The following PPM1E variants were observed in gnomAD, a reference collection of about 807,000 sequenced individuals.
PPM1E encodes the protein protein phosphatase 1E.
A neutral mutation model predicts 65.9 loss-of-function variants in PPM1E; 20 were observed. The observed-to-expected ratio is 0.30, with a 90% CI of 0.21 to 0.44. PPM1E has a LOEUF of 0.44. Ranked by LOEUF, PPM1E falls within the 20% of genes least tolerant of loss-of-function variation. PPM1E has a pLI of 1.00. For missense variants in PPM1E, 713 were observed against 953.1 expected, an observed-to-expected ratio of 0.75 and a Z score of 3.32; for synonymous variants, 352 against 374.9, an observed-to-expected ratio of 0.94 and a Z score of 0.70.
intron 1 of PPM1E, among the ~76,000 whole-genome samples, chr17:58,837,227 C>G (rs7342903): frequency 0.64 from 83,839 of 131,738 alleles, 26,921 homozygotes; most frequent in African/African-American, 0.71. Flanking sequence ...TCCAGCCTGG[C>G]TAACAGAGTA....
intron 1 of PPM1E, among the ~76,000 whole-genome samples, chr17:58,885,527 G>A (rs915005256): frequency 1.3e-5 from 2 of 152,166 alleles, no homozygotes; most frequent in African/African-American, 4.8e-5. Flanking sequence ...TAAGGAATAA[G>A]CCTTACTTTT....
chr17:58,977,451 A>G (rs1275972382), intron 6 of PPM1E, among the ~76,000 whole-genome samples: 1 of 152,008 alleles, frequency 6.6e-6, no homozygotes, highest in East Asian at 1.9e-4. Context: ...AAAAAAAAAA[A>G]AAAAAGAAAT....
At chr17:58,888,548 G>A (rs2143420423) in intron 1 of PPM1E, among the ~76,000 whole-genome samples, 1 of 152,018 alleles carries the variant, frequency 6.6e-6, no homozygotes, top group African/African-American at 2.4e-5. Context: ...ATTTTTAGTA[G>A]AGACGGGGTT....
At chr17:58,801,331 A>G (rs1376857818) in intron 1 of PPM1E, among the ~76,000 whole-genome samples, 1 of 152,138 alleles carries the variant, frequency 6.6e-6, no homozygotes, top group Non-Finnish European at 1.5e-5. Context: ...TGTTTGACAA[A>G]CATACATATT....
intron 3 of PPM1E, chr17:58,966,587 A>T (rs1598686756): frequency 5.8e-6 from 1 of 171,980 alleles, no homozygotes; most frequent in East Asian, 1.7e-4. Context: ...GGTCTCTGAG[A>T]TAGGAAAGTA....
At chr17:58,912,933 C>T (rs976472087) in intron 1 of PPM1E, among the ~76,000 whole-genome samples, 1 of 152,136 alleles carries the variant, frequency 6.6e-6, no homozygotes, top group South Asian at 2.1e-4. Context: ...AGGAGGGTAG[C>T]ACACCTTTAA....
intron 1 of PPM1E, among the ~76,000 whole-genome samples, chr17:58,869,759 C>T (rs1325369324): frequency 6.6e-6 from 1 of 152,188 alleles, no homozygotes; most frequent in African/African-American, 2.4e-5. Context: ...CAATCAACCA[C>T]TTTTTGAAAA....
intron 1 of PPM1E, among the ~76,000 whole-genome samples, chr17:58,831,513 G>A (rs1170926234): frequency 1.3e-5 from 2 of 152,182 alleles, no homozygotes; most frequent in African/African-American, 4.8e-5. Context: ...CTCCTGCCAT[G>A]TGAGGGAGGT....
intron 1 of PPM1E, among the ~76,000 whole-genome samples, chr17:58,857,590 T>C (rs1359041919): frequency 7.9e-5 from 12 of 152,178 alleles, no homozygotes; most frequent in Non-Finnish European, 1.5e-5. Flanking sequence ...GGATTTTTAT[T>C]ATCTATCCAA....
chr17:58,843,667 A>G (rs554476114), intron 1 of PPM1E, among the ~76,000 whole-genome samples: 1 of 152,078 alleles, frequency 6.6e-6, no homozygotes, highest in East Asian at 1.9e-4. Flanking sequence ...TCTAAAATAT[A>G]TATGTATGCA....
intron 1 of PPM1E, among the ~76,000 whole-genome samples, chr17:58,866,247 A>G (rs1312793447): frequency 6.6e-6 from 1 of 152,192 alleles, no homozygotes; most frequent in Admixed American, 6.5e-5. Flanking sequence ...AGTTTATAGG[A>G]CATATATTTA....
intron 1 of PPM1E, among the ~76,000 whole-genome samples, chr17:58,806,610 T>C (rs1191424348): frequency 6.6e-6 from 1 of 152,054 alleles, no homozygotes; most frequent in Admixed American, 6.6e-5. Flanking sequence ...TAGACTTGAC[T>C]TGAGAGAGAG....
rs1368064265 is a variant in PPM1E at position 58,969,396 on chromosome 17, G to C, written c.784-143G>C. The stretch of plus-strand genomic sequence containing the variant: ...TTTCAGCAGTTGATCAGGCATGTTA[G>C]AGAAGGAAAACATTTAGTCTCATTA... On this transcript the variant is annotated intron_variant, in intron 3 of 6. Coordinates refer to ENST00000308249, the MANE Select transcript of PPM1E (RefSeq NM_014906.5). The C allele has an allele frequency of 1.9e-5, 16 of 822,672 alleles. No homozygotes were observed. The East Asian group carries it at 4.2e-4, about 22-fold the overall frequency. The allele number at this position is 822,672 out of a possible 1,614,324, so 51.0% of individuals were successfully genotyped here.
chr17:58,909,357 A>G (rs1033740215), intron 1 of PPM1E, among the ~76,000 whole-genome samples: 5 of 152,152 alleles, frequency 3.3e-5, no homozygotes, highest in Non-Finnish European at 7.4e-5. Context: ...CCTGGGCTCA[A>G]GCAATCCTCC....
chr17:58,856,281 C>T (rs1465091421), intron 1 of PPM1E, among the ~76,000 whole-genome samples: 1 of 151,718 alleles, frequency 6.6e-6, no homozygotes, highest in Non-Finnish European at 1.5e-5. Context: ...CTATTGTTGC[C>T]GAGGCTGTAA....
intron 1 of PPM1E, among the ~76,000 whole-genome samples, chr17:58,773,364 A>C (rs2049959361): frequency 6.6e-6 from 1 of 152,116 alleles, no homozygotes; most frequent in African/African-American, 2.4e-5. Flanking sequence ...TCATGGATAC[A>C]TTTATCATTC....
At chr17:58,847,584 T>C (rs894018652) in intron 1 of PPM1E, among the ~76,000 whole-genome samples, 1 of 152,188 alleles carries the variant, frequency 6.6e-6, no homozygotes. Flanking sequence ...TGGTTATAGA[T>C]GTGTGGTATT....
intron 1 of PPM1E, among the ~76,000 whole-genome samples, chr17:58,911,413 T>G (rs540223748): frequency 2.0e-5 from 3 of 152,278 alleles, no homozygotes; most frequent in African/African-American, 7.2e-5. Context: ...ACCATTTGTG[T>G]ACTACAGAAT....
intron 1 of PPM1E, among the ~76,000 whole-genome samples, chr17:58,849,257 G>T (rs1381528752): frequency 6.6e-6 from 1 of 151,922 alleles, no homozygotes; most frequent in Non-Finnish European, 1.5e-5. Flanking sequence ...AGGGTGTTTT[G>T]TGTCTCTATC....
Sources: allele counts gnomAD v4.1 joint callset (sites outside exome capture counted in the v4.1 genomes callset), GRCh38; gene constraint gnomAD v4.1.1; transcripts MANE v1.5; gene names NCBI Gene and HGNC (gene_info 2026-07-23, HGNC 2026-07-21).